The following PHF3 variants were observed in gnomAD, a reference collection of about 807,000 sequenced individuals.
PHF3 encodes the protein PHD finger protein 3.
PHF3 carries 41 observed loss-of-function variants against 178.4 expected under a neutral mutation model. The observed-to-expected ratio is 0.23, with a 90% CI of 0.18 to 0.30. PHF3 has a LOEUF of 0.30. PHF3 is among the 10% of genes least tolerant of loss of function. The pLI is 1.00. For missense variants in PHF3, 2,346 were observed against 2,398.1 expected, an observed-to-expected ratio of 0.98 and a Z score of 0.45; for synonymous variants, 842 against 800.5, an observed-to-expected ratio of 1.05 and a Z score of -0.88.
At chr6:63,700,236 A>C in intron 8 of PHF3, 114 bp from the exon 9 acceptor site, 1 of 547,644 alleles carries the variant, frequency 1.8e-6, no homozygotes, top group Non-Finnish European at 3.3e-6. Flanking sequence ...ATATATAAAT[A>C]ATTAAGTATT....
intron 11 of PHF3, among the ~76,000 whole-genome samples, chr6:63,704,466 T>C (rs57888259): frequency 0.083 from 12,453 of 150,014 alleles, 552 homozygotes; most frequent in East Asian, 0.16. Flanking sequence ...GTAGTTTTGC[T>C]TTTTTCAGAA....
Position 63,696,955 on chromosome 6 carries a change from T to G in PHF3, c.2681-1268T>G, listed in dbSNP as rs551218464. On this transcript the variant is annotated intron_variant, in intron 6 of 15. Coordinates refer to ENST00000262043, the MANE Select transcript of PHF3 (RefSeq NM_001370348.2). ...ATAACTCTCAGGGAGTTTTGCTGTT[T>G]AAAGAAACAAATGCCGTAGTAGTTA... Among the ~76,000 whole-genome samples the G allele has an allele frequency of 3.3e-5, 5 of 152,278 alleles. No homozygotes were observed. The South Asian group carries it at 8.3e-4, about 25-fold the overall frequency.
chr6:63,660,814 G>A (rs993346210), intron 2 of PHF3, among the ~76,000 whole-genome samples: 3 of 152,120 alleles, frequency 2.0e-5, no homozygotes, highest in East Asian at 1.9e-4. Context: ...CTCTTAACTC[G>A]ACAATCAGCA....
chr6:63,665,495 T>TTTG, intron 2 of PHF3, among the ~76,000 whole-genome samples: 1 of 146,362 alleles, frequency 6.8e-6, no homozygotes, highest in East Asian at 1.9e-4. Context: ...TGTTTTTTTT[T>TTTG]TTTTTTTTTG....
In PHF3 at chr6:63,712,540, A is replaced by G. The variant is rs1179100400; in HGVS notation, c.4952A>G (p.Asp1651Gly). 1 of 1,613,752 alleles carries G rather than the reference A, an allele frequency of 6.2e-7. No homozygotes were observed. Among genetic ancestry groups the G allele is most frequent in the Non-Finnish European group, 8.5e-7 (1 of 1,179,860 alleles). The stretch of plus-strand genomic sequence containing the variant: ...CCACAGTTTATCAACCTGAAAAGGG[A>G]TCCTAGGCAAGCAGCAGGACGAAGT... ...RSPQFINLKR[D>G]PRQAAGRSQP... Residue 1651 changes from aspartate (D) to glycine (G), a missense_variant, in exon 16 of 16, where the codon GAT becomes GGT. Physicochemically the swap from Asp to Gly is moderately conservative, Grantham distance 94 (BLOSUM62 -1). Around this residue, in one of 8 missense-constraint regions of PHF3, gnomAD observed 839 missense variants for 806.9 expected, o/e 1.04. Coordinates refer to ENST00000262043, the MANE Select transcript of PHF3 (RefSeq NM_001370348.2).
chr6:63,657,518 TGAA>T, intron 2 of PHF3, among the ~76,000 whole-genome samples: 1 of 152,314 alleles, frequency 6.6e-6, no homozygotes, highest in South Asian at 2.1e-4. Context: ...AGAAATGTCA[TGAA>T]GAAAATCATC....
At chr6:63,639,107 G>T (rs750337650) in intron 1 of PHF3, among the ~76,000 whole-genome samples, 83 of 152,248 alleles carry the variant, frequency 5.5e-4, no homozygotes, top group Non-Finnish European at 7.2e-4. Flanking sequence ...CCTGCATAAT[G>T]TGCTTAATTT....
intron 2 of PHF3, among the ~76,000 whole-genome samples, chr6:63,676,966 A>G (rs1355183620): frequency 6.6e-6 from 1 of 152,152 alleles, no homozygotes; most frequent in African/African-American, 2.4e-5. Context: ...GATGTGTCAG[A>G]TATGGGGAGA....
At chr6:63,643,525 C>CA (rs1168107879) in intron 1 of PHF3, among the ~76,000 whole-genome samples, 1 of 152,166 alleles carries the variant, frequency 6.6e-6, no homozygotes, top group Admixed American at 6.5e-5. Context: ...TCTTTGGACT[C>CA]ACAAATGTGA....
At chr6:63,644,826 C>A (rs1388465468) in intron 1 of PHF3, among the ~76,000 whole-genome samples, 1 of 151,930 alleles carries the variant, frequency 6.6e-6, no homozygotes, top group Admixed American at 6.6e-5. Context: ...AGGTATGCAC[C>A]TGCCCTTTTG....
At chr6:63,692,075 A>G (rs1767031678) in intron 5 of PHF3, 32 bp downstream of exon 5, 1 of 1,477,308 alleles carries the variant, frequency 6.8e-7, no homozygotes, top group South Asian at 1.3e-5. Flanking sequence ...TATTTTGTTT[A>G]TTTAAGAGCT....
chr6:63,675,814 C>G (rs745744417), intron 2 of PHF3, among the ~76,000 whole-genome samples: 1 of 151,970 alleles, frequency 6.6e-6, no homozygotes, highest in East Asian at 1.9e-4. Context: ...CTCTTCTGTC[C>G]CCTTCCTTCT....
intron 5 of PHF3, among the ~76,000 whole-genome samples, chr6:63,694,216 C>T (rs1435095490): frequency 2.0e-5 from 3 of 152,144 alleles, no homozygotes; most frequent in Non-Finnish European, 4.4e-5. Context: ...TGCCAATAGG[C>T]ATACTGAGAA....
chr6:63,692,469 G>A (rs1323778764), intron 5 of PHF3, among the ~76,000 whole-genome samples: 1 of 152,126 alleles, frequency 6.6e-6, no homozygotes, highest in South Asian at 2.1e-4. Flanking sequence ...GAAATTTCAA[G>A]ATATTTAGGC....
intron 1 of PHF3, among the ~76,000 whole-genome samples, chr6:63,638,050 G>C (rs1429967175): frequency 6.6e-6 from 1 of 152,084 alleles, no homozygotes; most frequent in Non-Finnish European, 1.5e-5. Flanking sequence ...TGCATAATCA[G>C]AAAAGTCACC....
chr6:63,636,228 T>G (rs1764324193), intron 1 of PHF3, 78 bp downstream of exon 1: 2 of 321,098 alleles, frequency 6.2e-6, no homozygotes, highest in East Asian at 4.7e-5. Flanking sequence ...GCACAGCGCC[T>G]CCGCGGGCCT....
chr6:63,668,542 A>ATG (rs1189589943), intron 2 of PHF3, among the ~76,000 whole-genome samples: 2 of 151,944 alleles, frequency 1.3e-5, no homozygotes, highest in African/African-American at 4.8e-5. Flanking sequence ...GGGTCTCTCC[A>ATG]TGTTGCCCAG....
At chr6:63,661,122 C>G (rs1765447896) in intron 2 of PHF3, among the ~76,000 whole-genome samples, 1 of 152,126 alleles carries the variant, frequency 6.6e-6, no homozygotes, top group Admixed American at 6.5e-5. Context: ...TCTTGCAGTT[C>G]TCAACATTAC....
At chr6:63,706,350 T>C (rs1767692229) in intron 12 of PHF3, 126 bp downstream of exon 12, 4 of 676,258 alleles carry the variant, frequency 5.9e-6, no homozygotes, top group Non-Finnish European at 9.6e-6. Flanking sequence ...AACTGTACTT[T>C]CCTGTACTTT....
Sources: gnomAD v4.1 joint callset for allele counts (sites outside exome capture counted in the v4.1 genomes callset) on GRCh38, gnomAD v4.1.1 for gene constraint, gnomAD v4.1.1 regional missense constraint, MANE v1.5 for transcripts, NCBI Gene and HGNC (gene_info 2026-07-23, HGNC 2026-07-21) for gene names.